The following ELFN2 variants were observed in gnomAD, a reference collection of about 807,000 sequenced individuals.
ELFN2 encodes extracellular leucine rich repeat and fibronectin type III domain containing 2, also known as protein phosphatase 1 regulatory subunit 29.
Under a neutral mutation model 45.5 loss-of-function variants are expected in ELFN2, and 17 were observed. The observed-to-expected ratio is 0.37, with a 90% CI of 0.26 to 0.56. The LOEUF (loss-of-function observed/expected upper bound fraction) is 0.56. Among genes scored for constraint, ELFN2 ranks in the 20% least tolerant of loss-of-function variants. ELFN2 has a pLI of 0.77. For synonymous variants in ELFN2, 550 were observed against 551.5 expected (o/e 1.00, Z 0.04); for missense variants, 922 against 1,183.2 (o/e 0.78, Z 3.24).
At chr22:37,390,887 G>T (rs1932070645) in intron 2 of ELFN2, among the ~76,000 whole-genome samples, 2 of 152,218 alleles carry the variant, frequency 1.3e-5, no homozygotes, top group Admixed American at 6.5e-5. Context: ...AGGCCCTGGA[G>T]GCCCAGGCAG....
intron 2 of ELFN2, among the ~76,000 whole-genome samples, chr22:37,376,212 A>G (rs1931582183): frequency 6.6e-6 from 1 of 151,980 alleles, no homozygotes. Flanking sequence ...GGAGGGAGAC[A>G]GAAGAATAGG....
intron 2 of ELFN2, among the ~76,000 whole-genome samples, chr22:37,409,952 C>T (rs1231790236): frequency 6.6e-6 from 1 of 152,156 alleles, no homozygotes; most frequent in Non-Finnish European, 1.5e-5. Flanking sequence ...TGGCCCATTC[C>T]TTTCTGCTGT....
At chr22:37,422,500 T>C (rs1050847156) in intron 1 of ELFN2, among the ~76,000 whole-genome samples, 11 of 151,278 alleles carry the variant, frequency 7.3e-5, no homozygotes, top group African/African-American at 2.7e-4. Context: ...AGGTCAGGAG[T>C]TCGAGACCAG....
In ELFN2 at chr22:37,387,777, C is replaced by A. The variant is rs180889604; in HGVS notation, c.-462-11781G>T. Reference sequence around the variant, plus strand: ...TCCCTGCTCACTGCCTCTCTCAAACCCGCTTCCCCCTCCCCTACCCCAAGA... The same window carrying A: ...TCCCTGCTCACTGCCTCTCTCAAACACGCTTCCCCCTCCCCTACCCCAAGA... On this transcript the variant is annotated intron_variant, in intron 2 of 2. Coordinates refer to ENST00000402918, the MANE Select transcript of ELFN2 (RefSeq NM_052906.5). Among the ~76,000 whole-genome samples the A allele has an allele frequency of 8.3e-4, 127 of 152,160 alleles. 2 individuals are homozygous for A. The highest frequency in any genetic ancestry group is 3.0e-3 in the African/African-American group (123 of 41,498).
intron 2 of ELFN2, among the ~76,000 whole-genome samples, chr22:37,411,580 C>CA (rs1555924405): frequency 7.7e-4 from 117 of 152,272 alleles, no homozygotes; most frequent in African/African-American, 2.7e-3. Context: ...ACACAGCAAG[C>CA]GGAGGCAGGA....
chr22:37,343,748 G>T (rs962916131), intron 1 of ELFN2, among the ~76,000 whole-genome samples: 1 of 85,978 alleles, frequency 1.2e-5, no homozygotes, highest in Non-Finnish European at 2.2e-5. Flanking sequence ...CTCATCTCCA[G>T]TGTTCACCCA....
intron 2 of ELFN2, among the ~76,000 whole-genome samples, chr22:37,412,053 G>C (rs948946252): frequency 6.6e-6 from 1 of 152,006 alleles, no homozygotes; most frequent in Non-Finnish European, 1.5e-5. Flanking sequence ...AAAGCAGACT[G>C]AGGTTGGGCG....
Position 37,374,615 on chromosome 22 carries a change from G to C in ELFN2, c.920C>G (p.Thr307Ser), listed in dbSNP as rs778063448. ...PAIKLHHVTF[T>S]SATLVVIIPH... is the part of the protein sequence containing the mutation. ...GATGATGACCACCAGGGTGGCCGAG[G>C]TGAACGTGACGTGGTGCAGCTTGAT... The change falls in exon 3 of 3, where the codon ACC becomes AGC. Residue 307 changes from threonine to serine, a missense_variant. Thr to Ser is a moderately conservative substitution (Grantham distance 58). Around this residue, in one of 2 missense-constraint regions of ELFN2, gnomAD observed 358 missense variants for 540.4 expected, o/e 0.66. Transcript: ENST00000402918. 4 of 1,614,168 alleles carry C rather than the reference G, an allele frequency of 2.5e-6. No homozygotes were observed. The Admixed American group carries it at 6.7e-5, about 27-fold the overall frequency.
intron 2 of ELFN2, among the ~76,000 whole-genome samples, chr22:37,403,605 A>T (rs575602911): frequency 6.6e-5 from 10 of 152,304 alleles, no homozygotes; most frequent in Admixed American, 2.0e-4. Flanking sequence ...CTCGGGGTCT[A>T]GCGAGGGGCT....
At chr22:37,412,260 C>G (rs568334157) in intron 2 of ELFN2, among the ~76,000 whole-genome samples, 5 of 80,764 alleles carry the variant, frequency 6.2e-5, no homozygotes, top group African/African-American at 3.3e-4. Flanking sequence ...CCTGGGCAAA[C>G]AAGCAAAACT....
In ELFN2 at chr22:37,375,408, G is replaced by A; in HGVS notation, c.127C>T (p.Gln43Ter). ...TGCGGGATGGTCTCGTAGGGCGGCTGGTTCTGGCTGCAGATGGCCAGCCAC... is the reference window on the plus strand; with the variant it reads ...TGCGGGATGGTCTCGTAGGGCGGCTAGTTCTGGCTGCAGATGGCCAGCCAC... ...YVWLAICSQN[Q>*]PPYETIPQHI... The change falls in exon 3 of 3, where the codon CAG becomes TAG. Residue 43 changes from glutamine to a stop codon, truncating the protein, a stop_gained. Transcript: ENST00000402918. LOFTEE classifies it high-confidence loss of function. 1 of 1,614,156 alleles carries A rather than the reference G, an allele frequency of 6.2e-7. No individual in the cohort carries two copies. Among genetic ancestry groups the A allele is most frequent in the Non-Finnish European group, 8.5e-7 (1 of 1,180,018 alleles).
intron 2 of ELFN2, among the ~76,000 whole-genome samples, chr22:37,380,456 A>G (rs1049577604): frequency 5.3e-5 from 8 of 152,034 alleles, no homozygotes; most frequent in Admixed American, 1.3e-4. Flanking sequence ...ACACCACCCC[A>G]GGCTCCCGCT....
downstream of ELFN2, among the ~76,000 whole-genome samples, chr22:37,363,016 G>C (rs1490239561): frequency 6.6e-6 from 1 of 152,152 alleles, no homozygotes; most frequent in Middle Eastern, 3.2e-3. Flanking sequence ...CAGCAGCCCA[G>C]GGCCCCCCGA....
intron 2 of ELFN2, among the ~76,000 whole-genome samples, chr22:37,391,696 A>G (rs1446260274): frequency 2.0e-5 from 3 of 152,190 alleles, no homozygotes; most frequent in Non-Finnish European, 4.4e-5. Flanking sequence ...AGGTGAAGGG[A>G]CAGTGTCCCA....
chr22:37,360,906 G>A (rs544777863), intron 1 of ELFN2, among the ~76,000 whole-genome samples: 2 of 152,320 alleles, frequency 1.3e-5, no homozygotes, highest in South Asian at 2.1e-4. Flanking sequence ...GCAGAGTGAA[G>A]CGCGGCGCTC....
In ELFN2 at chr22:37,373,502, G is replaced by A. The variant is rs779786440; in HGVS notation, c.2033C>T (p.Pro678Leu). The A allele has an allele frequency of 7.7e-6, 12 of 1,553,086 alleles. No individual in the cohort carries two copies. The highest frequency in any genetic ancestry group is 3.9e-5 in the Admixed American group (2 of 51,450). The change falls in exon 3 of 3, where the codon CCG becomes CTG. Residue 678 changes from proline to leucine, a missense_variant. Transcript: ENST00000402918. Reference sequence around the variant, plus strand: ...CCCGCCGCTGCCCGCCGGCACCAGCGGGAGCCGGTCCAGCGGGCTGTTGAG... The same window carrying A: ...CCCGCCGCTGCCCGCCGGCACCAGCAGGAGCCGGTCCAGCGGGCTGTTGAG... ...SPLNSPLDRL[P>L]LVPAGSGGGS...
At chr22:37,395,763 G>C (rs565166120) in intron 2 of ELFN2, among the ~76,000 whole-genome samples, 1 of 152,184 alleles carries the variant, frequency 6.6e-6, no homozygotes, top group East Asian at 1.9e-4. Flanking sequence ...GCTTGGCACC[G>C]TGGGCTGCAA....
chr22:37,402,436 A>C (rs1932386575), intron 2 of ELFN2, among the ~76,000 whole-genome samples: 1 of 152,212 alleles, frequency 6.6e-6, no homozygotes, highest in South Asian at 2.1e-4. Context: ...TGCGCCTTGC[A>C]GTGACCCGGC....
Position 37,372,177 on chromosome 22 carries a change from G to C in ELFN2, c.*895C>G, listed in dbSNP as rs949478275. On this transcript the variant is annotated 3_prime_UTR_variant, in exon 3 of 3. Coordinates refer to ENST00000402918, the MANE Select transcript of ELFN2 (RefSeq NM_052906.5). The surrounding 1 kb of genome is among the most constrained non-coding windows in gnomAD (Gnocchi z 4.4). ...ACACGCCCCACTCTTCCCAGGCCACGTGGAAGACACTTGAAGTGGGCTGGT... is the reference window on the plus strand; with the variant it reads ...ACACGCCCCACTCTTCCCAGGCCACCTGGAAGACACTTGAAGTGGGCTGGT... 6.6e-6 allele frequency: 1 copy of C among 152,624 alleles called. No homozygotes were observed. The highest frequency in any genetic ancestry group is 6.5e-5 in the Admixed American group (1 of 15,288). 9.5% of individuals were successfully genotyped at this position (152,624 alleles called of 1,614,324 possible).
Sources: allele counts gnomAD v4.1 joint callset (sites outside exome capture counted in the v4.1 genomes callset), GRCh38; gene constraint gnomAD v4.1.1; regional missense constraint gnomAD v4.1.1; non-coding constraint Gnocchi (gnomAD v3.1); transcripts MANE v1.5; gene names NCBI Gene and HGNC (gene_info 2026-07-23, HGNC 2026-07-21).